Variants in SRCIN1 observed in about 807,000 individuals in gnomAD.
SRCIN1 encodes the protein SRC kinase signaling inhibitor 1.
In SRCIN1, 50 loss-of-function variants were observed where a neutral mutation model predicts 116.2. The ratio of observed to expected loss-of-function variants is 0.43; its 90% CI spans 0.34 to 0.54. SRCIN1 has a LOEUF of 0.54. Among genes scored for constraint, SRCIN1 ranks in the 20% least tolerant of loss-of-function variants. The probability of loss-of-function intolerance (pLI) is 0.02; values close to 1 mark genes in which losing one functional copy is unlikely to be tolerated. For synonymous variants in SRCIN1, 736 were observed against 750.0 expected (o/e 0.98, Z 0.30); for missense variants, 1,446 against 1,672.0 (o/e 0.86, Z 2.36).
chr17:38,581,747 T>A (rs1349122042), intron 1 of SRCIN1, among the ~76,000 whole-genome samples: 1 of 152,180 alleles, frequency 6.6e-6, no homozygotes, highest in Non-Finnish European at 1.5e-5. Flanking sequence ...TCCCTGTCTT[T>A]GAGGTACTTG....
Position 38,562,150 on chromosome 17 carries a change from G to T in SRCIN1, c.1013C>A (p.Pro338His). The change falls in exon 7 of 19, where the codon CCT (proline) becomes CAT (histidine). Residue 338 changes from proline to histidine, a missense_variant. Pro to His is a moderately conservative substitution (Grantham distance 77). Transcript: ENST00000617146. The surrounding 1 kb of genome is among the most constrained non-coding windows in gnomAD (Gnocchi z 4.2). ...SRLSYAGGRP[P>H]SYAGSPVHHA... ...GTGCACCGGGCTGCCGGCGTACGAA[G>T]GCGGGCGCCCCCCGGCGTACGATAG... 7.3e-7 allele frequency: 1 copy of T among 1,367,044 alleles called. No homozygotes were observed. Among genetic ancestry groups the T allele is most frequent in the Non-Finnish European group, 9.4e-7 (1 of 1,068,154 alleles). The allele number at this position is 1,367,044 out of a possible 1,614,324, so 84.7% of individuals were successfully genotyped here.
At chr17:38,569,219 C>A (rs1181351680) in intron 2 of SRCIN1, among the ~76,000 whole-genome samples, 2 of 152,206 alleles carry the variant, frequency 1.3e-5, no homozygotes, top group Non-Finnish European at 2.9e-5. Context: ...TCCCTAGAGA[C>A]CAGAAGGCCC....
intron 2 of SRCIN1, among the ~76,000 whole-genome samples, chr17:38,570,276 G>A (rs1051346340): frequency 6.6e-6 from 1 of 152,098 alleles, no homozygotes; most frequent in African/African-American, 2.4e-5. Flanking sequence ...TTTGGCTCCC[G>A]CCAGACCCCT....
At chr17:38,592,841 G>A (rs1469695837) in intron 1 of SRCIN1, among the ~76,000 whole-genome samples, 1 of 152,024 alleles carries the variant, frequency 6.6e-6, no homozygotes, top group African/African-American at 2.4e-5. Flanking sequence ...GGGTTGGGGG[G>A]CTGGTGGTGT....
chr17:38,533,115 A>C lies in SRCIN1; in HGVS notation c.*182T>G. On this transcript the variant is annotated 3_prime_UTR_variant, in exon 19 of 19. Coordinates refer to ENST00000617146, the MANE Select transcript of SRCIN1 (RefSeq NM_025248.3). ...ATTGTTAAAAAAAAAAAAAAAAACA[A>C]AACCAAAAACACCAACAGATGATGG... 1.9e-6 allele frequency: 1 copy of C among 517,628 alleles called. No homozygotes were observed. The highest frequency in any genetic ancestry group is 2.9e-6 in the Non-Finnish European group (1 of 346,578). 32.1% of individuals were successfully genotyped at this position (517,628 alleles called of 1,614,324 possible).
chr17:38,598,435 TC>T lies in SRCIN1; in HGVS notation c.22+7248del, dbSNP rs34536287. 4.6e-5 allele frequency among the ~76,000 whole-genome samples: 7 copies of T among 151,626 alleles called. No homozygotes were observed. The South Asian group carries it at 1.5e-3, about 32-fold the overall frequency. ...GGGTGAGGGGAGACTGCAGAACACG[TC>T]CCCCCCGCAATCTCCCCAGCTCTGC... On this transcript the variant is annotated intron_variant, in intron 1 of 18. Transcript: ENST00000617146.
chr17:38,565,301 G>C (rs1256554744), intron 3 of SRCIN1, among the ~76,000 whole-genome samples: 15 of 152,054 alleles, frequency 9.9e-5, no homozygotes, highest in Non-Finnish European at 1.5e-5. Context: ...CTGGTACAAG[G>C]AGTGAGATAA....
In SRCIN1 at chr17:38,549,095, C is replaced by A. The variant is rs775869773; in HGVS notation, c.3078G>T (p.Glu1026Asp). 6.2e-7 allele frequency: 1 copy of A among 1,612,676 alleles called. No individual in the cohort carries two copies. Among genetic ancestry groups the A allele is most frequent in the Non-Finnish European group, 8.5e-7 (1 of 1,179,634 alleles). ...SHGLTTTRTG[E>D]VVVTSKKDSA... The stretch of plus-strand genomic sequence containing the variant: ...AGTCCTTCTTGCTGGTGACCACCAC[C>A]TCTCCGGTACGTGTGGTGGTCAGGC... Residue 1026 changes from glutamate to aspartate, a missense_variant, in exon 16 of 19, where the codon GAG becomes GAT. Physicochemically the swap from Glu to Asp is conservative, Grantham distance 45. Around this residue, in one of 5 missense-constraint regions of SRCIN1, gnomAD observed 531 missense variants for 633.9 expected, o/e 0.84. Coordinates refer to ENST00000617146, the MANE Select transcript of SRCIN1 (RefSeq NM_025248.3).
intron 1 of SRCIN1, among the ~76,000 whole-genome samples, chr17:38,583,132 C>T (rs1204237551): frequency 2.0e-5 from 3 of 152,136 alleles, no homozygotes; most frequent in Non-Finnish European, 2.9e-5. Flanking sequence ...TGCAGTGGCG[C>T]GATTATGGCT....
chr17:38,569,532 G>A (rs956192695), intron 2 of SRCIN1, among the ~76,000 whole-genome samples: 1 of 152,172 alleles, frequency 6.6e-6, no homozygotes, highest in Admixed American at 6.5e-5. Flanking sequence ...TCCGGCTGGA[G>A]GCTTTACCTA....
Position 38,544,021 on chromosome 17 carries a change from A to G in SRCIN1, c.3271-52T>C, listed in dbSNP as rs1904924314. 1.3e-6 allele frequency: 2 copies of G among 1,524,366 alleles called. No homozygotes were observed. Among genetic ancestry groups the G allele is most frequent in the South Asian group, 2.4e-5 (2 of 82,010 alleles). 94.4% of individuals were successfully genotyped at this position (1,524,366 alleles called of 1,614,324 possible). A position where few individuals can be genotyped will look rare whatever the true frequency, so the allele number is the denominator to read the frequency against. On this transcript the variant is annotated intron_variant, in intron 17 of 18. Coordinates refer to ENST00000617146, the MANE Select transcript of SRCIN1 (RefSeq NM_025248.3). The surrounding 1 kb of genome is among the most constrained non-coding windows in gnomAD (Gnocchi z 4.5). ...TTGCAGAGTCCACATGGGGTGAATCACACAGGAACCCTAGCACTGGGTGGG... is the reference window on the plus strand; with the variant it reads ...TTGCAGAGTCCACATGGGGTGAATCGCACAGGAACCCTAGCACTGGGTGGG...
In SRCIN1 at chr17:38,539,794, G is replaced by A. The variant is rs368170026; in HGVS notation, c.3417+4029C>T. Among the ~76,000 whole-genome samples, 4 of 152,024 alleles carry A rather than the reference G, an allele frequency of 2.6e-5. No homozygotes were observed. The East Asian group carries it at 5.8e-4, about 22-fold the overall frequency. ...CCAGCACTTTGGGAGGCTGAGGCAG[G>A]CGGATCACTTGAGGTCAGGAGTTCA... On this transcript the variant is annotated intron_variant, in intron 18 of 18. Coordinates refer to ENST00000617146, the MANE Select transcript of SRCIN1 (RefSeq NM_025248.3).
chr17:38,596,242 G>A (rs549754105), intron 1 of SRCIN1, among the ~76,000 whole-genome samples: 1 of 152,330 alleles, frequency 6.6e-6, no homozygotes, highest in South Asian at 2.1e-4. Context: ...AAGTGGGCTA[G>A]GTCAGGGGCA....
rs1905452637 is a variant in SRCIN1 at position 38,551,997 on chromosome 17, A to G, written c.2616T>C (p.His872=). The change falls in exon 14 of 19, where the codon CAT becomes CAC. Residue 872 remains histidine, a synonymous_variant. Coordinates refer to ENST00000617146, the MANE Select transcript of SRCIN1 (RefSeq NM_025248.3). ...MPPPSPPLNL[H]ELSGPAEGAS... is the part of the protein sequence containing the mutation. Reference sequence around the variant, plus strand: ...CTCCTTCAGCTGGCCCGCTCAGCTCATGCAGGTTCAGCGGGGGGCTGGGGG... The same window carrying G: ...CTCCTTCAGCTGGCCCGCTCAGCTCGTGCAGGTTCAGCGGGGGGCTGGGGG... The G allele has an allele frequency of 1.2e-6, 2 of 1,613,938 alleles. No homozygotes were observed. Among genetic ancestry groups the G allele is most frequent in the Non-Finnish European group, 1.7e-6 (2 of 1,179,868 alleles).
chr17:38,585,010 T>C lies in SRCIN1; in HGVS notation c.23-6219A>G, dbSNP rs1186946014. ...TCTGGAAATCAGGTCCCTGTAACCC[T>C]CTCTGTGGAGATAAGGAGGCTGGAC... On this transcript the variant is annotated intron_variant, in intron 1 of 18. Coordinates refer to ENST00000617146, the MANE Select transcript of SRCIN1 (RefSeq NM_025248.3). The surrounding 1 kb of genome is among the most constrained non-coding windows in gnomAD (Gnocchi z 4.2). Among the ~76,000 whole-genome samples, 2 of 152,230 alleles carry C rather than the reference T, an allele frequency of 1.3e-5. No individual in the cohort carries two copies. The highest frequency in any genetic ancestry group is 3.9e-4 in the East Asian group (2 of 5,180).
rs1161185571 is a variant in SRCIN1 at position 38,572,753 on chromosome 17, G to A, written c.325-4522C>T. The A allele has an allele frequency of 6.6e-6, 1 of 152,650 alleles. No individual in the cohort carries two copies. Among genetic ancestry groups the A allele is most frequent in the African/African-American group, 2.4e-5 (1 of 41,368 alleles). The allele number at this position is 152,650 out of a possible 1,614,324, so 9.5% of individuals were successfully genotyped here. ...GGAGGGCCCCTACTCCCACCCGCCC[G>A]GGCTCTTCTCTCCCCCGGCCGCCTC... On this transcript the variant is annotated intron_variant, in intron 2 of 18. Coordinates refer to ENST00000617146, the MANE Select transcript of SRCIN1 (RefSeq NM_025248.3). The surrounding 1 kb of genome is among the most constrained non-coding windows in gnomAD (Gnocchi z 4.3).
At chr17:38,594,749 A>G (rs1908631431) in intron 1 of SRCIN1, among the ~76,000 whole-genome samples, 3 of 152,168 alleles carry the variant, frequency 2.0e-5, no homozygotes, top group Admixed American at 2.0e-4. Context: ...CACAGCTAGG[A>G]AATGGCTGAA....
At chr17:38,606,396 G>A (rs1022343454), upstream of SRCIN1, among the ~76,000 whole-genome samples, 6 of 152,046 alleles carry the variant, frequency 3.9e-5, no homozygotes, top group African/African-American at 1.4e-4. The surrounding 1 kb of genome is among the most constrained non-coding windows in gnomAD (Gnocchi z 5.2). Context: ...AGGTGACCGC[G>A]GAAACCAACA....
chr17:38,550,513 A>AT (rs370543007), intron 15 of SRCIN1, among the ~76,000 whole-genome samples: 2 of 151,666 alleles, frequency 1.3e-5, no homozygotes, highest in African/African-American at 2.4e-5. Context: ...AAATAAATAA[A>AT]AAATAAAAAT....
Sources: allele counts gnomAD v4.1 joint callset (sites outside exome capture counted in the v4.1 genomes callset), GRCh38; gene constraint gnomAD v4.1.1; regional missense constraint gnomAD v4.1.1; non-coding constraint Gnocchi (gnomAD v3.1); transcripts MANE v1.5; gene names NCBI Gene and HGNC (gene_info 2026-07-23, HGNC 2026-07-21).